DAO: variants seen among roughly 807,000 people sequenced by gnomAD.
The protein encoded by DAO is D-amino-acid oxidase.
In DAO, 51 loss-of-function variants were observed where a neutral mutation model predicts 50.1. The ratio of observed to expected loss-of-function variants is 1.02; its 90% CI spans 0.81 to 1.29. DAO has a LOEUF of 1.29. Ranked by LOEUF, DAO falls within the 50% of genes most tolerant of loss-of-function variation. The pLI is 0.00. For missense variants in DAO, 436 were observed against 439.4 expected (o/e 0.99, Z 0.07); for synonymous variants, 160 against 166.2 (o/e 0.96, Z 0.29).
At chr12:108,896,039 A>T (rs1169339151) in intron 7 of DAO, among the ~76,000 whole-genome samples, 1 of 151,810 alleles carries the variant, frequency 6.6e-6, no homozygotes, top group Non-Finnish European at 1.5e-5. Context: ...TTCTTTAAAA[A>T]AAAAAAGTGA....
chr12:108,886,889 A>G (rs2039441175), intron 2 of DAO, among the ~76,000 whole-genome samples: 1 of 152,196 alleles, frequency 6.6e-6, no homozygotes, highest in Non-Finnish European at 1.5e-5. Context: ...GGTCACCTCA[A>G]TGTCACCATT....
chr12:108,886,629 T>C (rs1025632378), intron 2 of DAO, among the ~76,000 whole-genome samples: 1 of 152,098 alleles, frequency 6.6e-6, no homozygotes, highest in Non-Finnish European at 1.5e-5. Context: ...CATGCCTGGA[T>C]AATTTTCTTT....
intron 3 of DAO, among the ~76,000 whole-genome samples, chr12:108,888,027 AG>A (rs2039453460): frequency 6.6e-6 from 1 of 152,216 alleles, no homozygotes; most frequent in African/African-American, 2.4e-5. Flanking sequence ...TATAACCGGG[AG>A]GTAAGGGCTG....
At chr12:108,884,910 T>G (rs1263008037) in intron 1 of DAO, 88 bp from the exon 2 acceptor site, 5 of 1,275,544 alleles carry the variant, frequency 3.9e-6, no homozygotes, top group Non-Finnish European at 4.6e-6. Flanking sequence ...TCTGGCACCT[T>G]CTAAGCCTTC....
At chr12:108,899,725 A>G in intron 10 of DAO, 1 of 536,422 alleles carries the variant, frequency 1.9e-6, no homozygotes, top group Non-Finnish European at 3.4e-6. Context: ...ATCAATGTTG[A>G]TAATGGTGTG....
chr12:108,900,280 G>A (rs71454755), intron 10 of DAO, 124 bp from the exon 11 acceptor site: 2 of 1,244,974 alleles, frequency 1.6e-6, no homozygotes, highest in South Asian at 1.2e-5. Flanking sequence ...GAGAAGCTCA[G>A]GTGGCATCTG....
Position 108,888,340 on chromosome 12 carries a change from A to ATTT in DAO, c.309+787_309+789dup, listed in dbSNP as rs35167645. On this transcript the variant is annotated intron_variant, in intron 3 of 10. Transcript: ENST00000228476. ...TGTTACCTTTCATGGGACCAAGAGT[A>ATTT]TTTTTTTTTTTTTGAGACAGGGTCT... Among the ~76,000 whole-genome samples the ATTT allele has an allele frequency of 1.2e-3, 181 of 146,066 alleles. 2 individuals carry two copies. Among genetic ancestry groups the ATTT allele is most frequent in the African/African-American group, 4.3e-3 (170 of 39,830 alleles).
chr12:108,897,548 T>C lies in DAO; in HGVS notation c.695+460T>C, dbSNP rs1278601760. 2.6e-5 allele frequency among the ~76,000 whole-genome samples: 4 copies of C among 152,012 alleles called. No individual in the cohort carries two copies. In the East Asian group the frequency reaches 5.8e-4, roughly 22 times the overall value. On this transcript the variant is annotated intron_variant, in intron 8 of 10. Transcript: ENST00000228476. ...AATGTTTTTAGTGAGTTTGAGCTAC[T>C]GAATCCCTGGGAAGGCAGACTCAGC... is the stretch of plus-strand genomic sequence containing the variant.
intron 10 of DAO, chr12:108,900,077 A>G (rs549113429): frequency 2.7e-6 from 1 of 369,890 alleles, no homozygotes; most frequent in South Asian, 2.3e-5. Context: ...AGTTCTCCCT[A>G]TGCTTCGGAT....
intron 5 of DAO, among the ~76,000 whole-genome samples, chr12:108,892,584 C>T (rs948262434): frequency 3.9e-5 from 6 of 152,172 alleles, no homozygotes; most frequent in Admixed American, 2.6e-4. Context: ...GGGAATTTGG[C>T]ACTGGTACAA....
chr12:108,894,381 T>C lies in DAO; in HGVS notation c.612+14T>C, dbSNP rs370118391. On this transcript the variant is annotated intron_variant, in intron 7 of 10. Coordinates refer to ENST00000228476, the MANE Select transcript of DAO (RefSeq NM_001917.5). ...CAGATCATGAAGGTGAGTGTGAGGGTGAGACCCCTACCTTTTGTTAATAGG... is the reference window on the plus strand; with the variant it reads ...CAGATCATGAAGGTGAGTGTGAGGGCGAGACCCCTACCTTTTGTTAATAGG... The C allele has an allele frequency of 1.4e-5, 22 of 1,585,968 alleles. No homozygotes were observed. Among genetic ancestry groups the C allele is most frequent in the South Asian group, 7.8e-5 (7 of 90,158 alleles).
At chr12:108,887,702 G>T in intron 3 of DAO, 138 bp downstream of exon 3, 1 of 718,836 alleles carries the variant, frequency 1.4e-6, no homozygotes. Context: ...GTTCAAAACA[G>T]GTTTGGTTTA....
At chr12:108,884,867 G>T (rs936619445) in intron 1 of DAO, 131 bp from the exon 2 acceptor site, 2 of 838,314 alleles carry the variant, frequency 2.4e-6, no homozygotes, top group East Asian at 5.0e-5. Flanking sequence ...AGGGGTCATC[G>T]GGAAGGTCAA....
At position 108,897,047 on chromosome 12, in the gene DAO, C is replaced by A. The variant is rs1324198769; in HGVS notation, c.654C>A (p.Asp218Glu). 6.2e-7 allele frequency: 1 copy of A among 1,613,976 alleles called. No individual in the cohort carries two copies. The highest frequency in any genetic ancestry group is 8.5e-7 in the Non-Finnish European group (1 of 1,179,920). Reference protein sequence around the residue: ...PWMKHFILTHDPERGIYNSPY... With the variant: ...PWMKHFILTHEPERGIYNSPY... ...TGAAGCACTTCATTCTCACCCATGA[C>A]CCAGAGAGAGGCATCTACAATTCCC... The change falls in exon 8 of 11, where the codon GAC becomes GAA. Residue 218 changes from aspartate to glutamate, a missense_variant. Physicochemically the swap from Asp to Glu is conservative, Grantham distance 45 (BLOSUM62 2). Coordinates refer to ENST00000228476, the MANE Select transcript of DAO (RefSeq NM_001917.5).
chr12:108,895,273 G>C (rs565996593), intron 7 of DAO, among the ~76,000 whole-genome samples: 1 of 151,810 alleles, frequency 6.6e-6, no homozygotes, highest in Admixed American at 6.6e-5. Context: ...ATGTATGTGT[G>C]TGTGTGTATG....
At chr12:108,882,623 T>A (rs1000295499) in intron 1 of DAO, among the ~76,000 whole-genome samples, 5 of 152,162 alleles carry the variant, frequency 3.3e-5, no homozygotes, top group Non-Finnish European at 5.9e-5. Flanking sequence ...AAAGTCTGCA[T>A]CCTGGGAGGA....
chr12:108,890,907 C>T (rs1050753200), intron 5 of DAO, among the ~76,000 whole-genome samples: 9 of 152,180 alleles, frequency 5.9e-5, no homozygotes, highest in Non-Finnish European at 1.3e-4. Context: ...CAAGCTCTGC[C>T]TCCTGGGTTC....
In DAO at chr12:108,897,108, G is replaced by A. The variant is rs372956556; in HGVS notation, c.695+20G>A. 974 of 1,576,266 alleles carry A rather than the reference G, an allele frequency of 6.2e-4. 8 individuals are homozygous for A. In the Middle Eastern group the frequency reaches 7.7e-3, roughly 12 times the overall value. ...CCCAGGGTAAAATTGGACTGTTCTC[G>A]GGCAGAAGAGTGGTCCCCTTCATGC... is the stretch of plus-strand genomic sequence containing the variant. On this transcript the variant is annotated intron_variant, in intron 8 of 10. Transcript: ENST00000228476.
rs1036243607 is a variant in DAO at position 108,886,937 on chromosome 12, C to A, written c.195-513C>A. On this transcript the variant is annotated intron_variant, in intron 2 of 10. Transcript: ENST00000228476. ...TGACTGCAGAAGGATCATGCAGGAC[C>A]ACACGTGCAGAGTCTTTAGAGTCCC... 2.6e-5 allele frequency among the ~76,000 whole-genome samples: 4 copies of A among 152,188 alleles called. No homozygotes were observed. In the East Asian group the frequency reaches 7.7e-4, roughly 29 times the overall value.
Sources: allele counts gnomAD v4.1 joint callset (sites outside exome capture counted in the v4.1 genomes callset), GRCh38; gene constraint gnomAD v4.1.1; transcripts MANE v1.5; gene names NCBI Gene and HGNC (gene_info 2026-07-23, HGNC 2026-07-21).